Variants in PHF20 observed in about 807,000 individuals in gnomAD.
PHF20 encodes the protein PHD finger protein 20, also known as glioma-expressed antigen 2.
A neutral mutation model predicts 113.5 loss-of-function variants in PHF20; 23 were observed. The ratio of observed to expected loss-of-function variants is 0.20; its 90% CI spans 0.15 to 0.29. The LOEUF (loss-of-function observed/expected upper bound fraction) is 0.29, where lower values mean the gene tolerates loss of function less well. Ranked by LOEUF, PHF20 falls within the 10% of genes least tolerant of loss-of-function variation. PHF20 has a pLI of 1.00. For missense variants in PHF20, 943 were observed against 1,219.6 expected (o/e 0.77, Z 3.38); for synonymous variants, 434 against 457.3 (o/e 0.95, Z 0.65).
In PHF20 at chr20:35,864,632, A is replaced by G. The variant is rs191410467; in HGVS notation, c.808+1232A>G. 3.3e-4 allele frequency among the ~76,000 whole-genome samples: 50 copies of G among 152,296 alleles called. No individual in the cohort carries two copies. In the East Asian group the frequency reaches 9.5e-3, roughly 29 times the overall value. On this transcript the variant is annotated intron_variant, in intron 6 of 17. Coordinates refer to ENST00000374012, the MANE Select transcript of PHF20 (RefSeq NM_016436.5). ...TACTCATTGTAAGATAGGAAATTAT[A>G]TAATAGGTTGATTTGTCTCTATATG... is the stretch of plus-strand genomic sequence containing the variant.
intron 9 of PHF20, among the ~76,000 whole-genome samples, chr20:35,890,373 T>C (rs1486937810): frequency 1.3e-5 from 2 of 152,224 alleles, no homozygotes; most frequent in Non-Finnish European, 2.9e-5. Context: ...ATAATTTTAA[T>C]GTTCCTATTG....
chr20:35,808,730 G>C (rs1189462842), intron 2 of PHF20, among the ~76,000 whole-genome samples: 1 of 151,428 alleles, frequency 6.6e-6, no homozygotes, highest in South Asian at 2.1e-4. Flanking sequence ...CCGCCACCAC[G>C]CCTGGCTAAT....
chr20:35,831,347 A>G (rs954911030), intron 2 of PHF20, among the ~76,000 whole-genome samples: 2 of 152,102 alleles, frequency 1.3e-5, no homozygotes, highest in African/African-American at 4.8e-5. Context: ...TTTTTTTTGT[A>G]CAGACAGATG....
intron 1 of PHF20, among the ~76,000 whole-genome samples, chr20:35,773,233 T>A (rs2041099972): frequency 6.6e-6 from 1 of 152,182 alleles, no homozygotes; most frequent in Non-Finnish European, 1.5e-5. Context: ...GGGGCACACC[T>A]TTTTGTGAGT....
At chr20:35,804,525 C>T (rs1013993906) in intron 2 of PHF20, among the ~76,000 whole-genome samples, 5 of 151,972 alleles carry the variant, frequency 3.3e-5, no homozygotes, top group South Asian at 2.1e-4. Context: ...CGTGAGCCAC[C>T]GCGCCCAGCC....
chr20:35,941,536 T>G (rs1364928919), intron 17 of PHF20, among the ~76,000 whole-genome samples: 2 of 152,196 alleles, frequency 1.3e-5, no homozygotes, highest in African/African-American at 2.4e-5. Flanking sequence ...GAGTATTCCT[T>G]CCAGATATTG....
chr20:35,838,871 G>A (rs1001465271), intron 2 of PHF20, among the ~76,000 whole-genome samples: 12 of 151,564 alleles, frequency 7.9e-5, no homozygotes, highest in Admixed American at 7.9e-4. Flanking sequence ...GTATGAGCCT[G>A]TAGTCCCAGC....
chr20:35,874,384 A>G (rs566241139), intron 9 of PHF20, among the ~76,000 whole-genome samples: 3 of 152,310 alleles, frequency 2.0e-5, no homozygotes, highest in Admixed American at 1.3e-4. Context: ...CCTATTTCCA[A>G]TGTTCTTTAT....
chr20:35,832,984 G>A (rs1192433406), intron 2 of PHF20, among the ~76,000 whole-genome samples: 1 of 150,718 alleles, frequency 6.6e-6, no homozygotes, highest in Non-Finnish European at 1.5e-5. Flanking sequence ...CTGGGAGGTG[G>A]AGGCTGTAGT....
At chr20:35,855,123 G>A (rs761743876) in intron 4 of PHF20, 10 of 225,668 alleles carry the variant, frequency 4.4e-5, no homozygotes, top group Non-Finnish European at 8.6e-5. Flanking sequence ...GATAACTGGA[G>A]TCTTAAAACT....
intron 1 of PHF20, among the ~76,000 whole-genome samples, chr20:35,788,208 T>C (rs1218486380): frequency 6.6e-6 from 1 of 152,014 alleles, no homozygotes; most frequent in Non-Finnish European, 1.5e-5. Flanking sequence ...GCCATTCTCC[T>C]GCCTCAGCCT....
rs2056142281 is a variant in PHF20, at chr20:35,949,584, T to A, written c.*1957T>A. ...TAATCTCCTTTCATTCATTGTGACT[T>A]TTGTTCTTAGGGAAGCAGAGAAGAC... On this transcript the variant is annotated 3_prime_UTR_variant, in exon 18 of 18. Transcript: ENST00000374012. 6.6e-6 allele frequency: 1 copy of A among 152,630 alleles called. No homozygotes were observed. The highest frequency in any genetic ancestry group is 2.4e-5 in the African/African-American group (1 of 41,450). The allele number at this position is 152,630 out of a possible 1,614,324, so 9.5% of individuals were successfully genotyped here.
intron 13 of PHF20, among the ~76,000 whole-genome samples, chr20:35,927,305 A>G (rs1231179932): frequency 6.6e-6 from 1 of 152,244 alleles, no homozygotes; most frequent in Non-Finnish European, 1.5e-5. Context: ...AATAGTATTA[A>G]TAGTAGCTTA....
chr20:35,846,320 A>G (rs2042623274), intron 3 of PHF20, among the ~76,000 whole-genome samples: 1 of 151,878 alleles, frequency 6.6e-6, no homozygotes, highest in Non-Finnish European at 1.5e-5. Flanking sequence ...CTGGGATTAC[A>G]GGTGGCCGCC....
chr20:35,893,708 A>C (rs58679727), intron 9 of PHF20, among the ~76,000 whole-genome samples: 11,596 of 150,180 alleles, frequency 0.077, 1,501 homozygotes, highest in African/African-American at 0.27. Context: ...TCCACCTAGC[A>C]GGTTCAAGTG....
intron 1 of PHF20, among the ~76,000 whole-genome samples, chr20:35,799,301 A>AAG (rs1360405940): frequency 1.5e-4 from 20 of 136,038 alleles, no homozygotes; most frequent in African/African-American, 5.9e-4. Context: ...CAAAAAAAAA[A>AAG]AAAAAAAAAA....
intron 10 of PHF20, among the ~76,000 whole-genome samples, chr20:35,910,075 A>AT (rs2055269730): frequency 6.6e-6 from 1 of 152,232 alleles, no homozygotes; most frequent in Non-Finnish European, 1.5e-5. Context: ...TGCTTTGTGG[A>AT]TATCTTGATT....
At chr20:35,889,783 CAGT>C (rs1414598388) in intron 9 of PHF20, among the ~76,000 whole-genome samples, 1 of 151,974 alleles carries the variant, frequency 6.6e-6, no homozygotes. Context: ...GCTGGAGTCT[CAGT>C]GGTGCAATCT....
chr20:35,868,714 T>A (rs7260984), intron 6 of PHF20, among the ~76,000 whole-genome samples: 7,389 of 152,300 alleles, frequency 0.049, 231 homozygotes, highest in African/African-American at 0.099. Context: ...CTGGGTTTGC[T>A]GGGGACCAGC....
Sources: allele counts gnomAD v4.1 joint callset (sites outside exome capture counted in the v4.1 genomes callset), GRCh38; gene constraint gnomAD v4.1.1; transcripts MANE v1.5; gene names NCBI Gene and HGNC (gene_info 2026-07-23, HGNC 2026-07-21).